SLC12A9: variants seen among roughly 807,000 people sequenced by gnomAD.
The protein encoded by SLC12A9 is solute carrier family 12 member 9, also known as CCC-interacting protein 1.
Under a neutral mutation model 66.0 loss-of-function variants are expected in SLC12A9, and 55 were observed. That is an observed-to-expected ratio of 0.83 (90% CI 0.67 to 1.04). SLC12A9 has a LOEUF of 1.04. SLC12A9 is among the 50% of genes least tolerant of loss of function. The pLI is 0.00. For synonymous variants in SLC12A9, 577 were observed against 569.0 expected, an observed-to-expected ratio of 1.01 and a Z score of -0.20; for missense variants, 1,061 against 1,241.9, an observed-to-expected ratio of 0.85 and a Z score of 2.19.
chr7:100,862,574 C>A, intron 12 of SLC12A9, 107 bp from the exon 13 acceptor site: 2 of 1,321,992 alleles, frequency 1.5e-6, no homozygotes, highest in Non-Finnish European at 2.1e-6. Context: ...TTCCCATGAC[C>A]CCTCCAAGTA....
At position 100,858,766 on chromosome 7, in the gene SLC12A9, G is replaced by T. The variant is rs56792920; in HGVS notation, c.758-69G>T. On this transcript the variant is annotated intron_variant, in intron 5 of 13. Coordinates refer to ENST00000354161, the MANE Select transcript of SLC12A9 (RefSeq NM_020246.4). Reference sequence around the variant, plus strand: ...GAGGACCGTGGGAATGTGTGGAGAGGGTGGCTAAGAGGCCTGGATCCCTGA... The same window carrying T: ...GAGGACCGTGGGAATGTGTGGAGAGTGTGGCTAAGAGGCCTGGATCCCTGA... 2.3e-3 allele frequency: 3,323 copies of T among 1,455,160 alleles called. 56 individuals carry two copies. The Admixed American group carries it at 0.036, about 16-fold the overall frequency. 90.1% of individuals were successfully genotyped at this position (1,455,160 alleles called of 1,614,324 possible).
rs1166358604 is a variant in SLC12A9 at position 100,866,878 on chromosome 7, GCCT to G, written c.*278_*280del. On this transcript the variant is annotated 3_prime_UTR_variant, in exon 14 of 14. Transcript: ENST00000354161. The surrounding 1 kb of genome is among the most constrained non-coding windows in gnomAD (Gnocchi z 7.3). The stretch of plus-strand genomic sequence containing the variant: ...CTGGTGCCTTGATGCTAGGGGCCAG[GCCT>G]CCTCTGTGACTCTGGGCTACCTCAG... 2.5e-6 allele frequency: 1 copy of G among 397,030 alleles called. No homozygotes were observed. Among genetic ancestry groups the G allele is most frequent in the Non-Finnish European group, 4.5e-6 (1 of 223,698 alleles). 24.6% of individuals were successfully genotyped at this position (397,030 alleles called of 1,614,324 possible).
At chr7:100,860,841 G>T in intron 9 of SLC12A9, 1 of 493,078 alleles carries the variant, frequency 2.0e-6, no homozygotes, top group Non-Finnish European at 3.8e-6. Context: ...ACACTTTGGG[G>T]GTACACTGGC....
chr7:100,852,512 A>T (rs1814126146), upstream of SLC12A9: 1 of 152,124 alleles, frequency 6.6e-6, no homozygotes, highest in African/African-American at 2.4e-5. Context: ...GATTGTTTGT[A>T]CCTAAGTGAA....
At chr7:100,864,172 G>A (rs1584710528) in intron 13 of SLC12A9, among the ~76,000 whole-genome samples, 1 of 149,620 alleles carries the variant, frequency 6.7e-6, no homozygotes, top group African/African-American at 2.5e-5. Flanking sequence ...TCTGCCTCCC[G>A]GGTTCAAGTA....
At chr7:100,832,867 C>T (rs966585182) in intron 1 of SLC12A9, among the ~76,000 whole-genome samples, 6 of 151,972 alleles carry the variant, frequency 3.9e-5, no homozygotes, top group Non-Finnish European at 8.8e-5. Context: ...CCTCGAACTC[C>T]CAGGCTCAAG....
chr7:100,828,567 A>T (rs2116481574), intron 1 of SLC12A9, among the ~76,000 whole-genome samples: 1 of 149,694 alleles, frequency 6.7e-6, no homozygotes, highest in African/African-American at 2.5e-5. Flanking sequence ...AAAAAAAAAA[A>T]AAAAAAAAGG....
chr7:100,853,752 G>A (rs1182085024), intron 1 of SLC12A9, among the ~76,000 whole-genome samples: 2 of 147,736 alleles, frequency 1.4e-5, no homozygotes, highest in Admixed American at 6.7e-5. Context: ...CTTGTGAGAC[G>A]GAGTCTCACT....
chr7:100,854,808 G>GGT lies in SLC12A9; in HGVS notation c.316+58_316+59dup. 3.8e-6 allele frequency: 6 copies of GGT among 1,599,314 alleles called. No individual in the cohort carries two copies. In the South Asian group the frequency reaches 6.6e-5, roughly 18 times the overall value. On this transcript the variant is annotated intron_variant, in intron 3 of 13. Coordinates refer to ENST00000354161, the MANE Select transcript of SLC12A9 (RefSeq NM_020246.4). ...CTGGCCTGTTCTGCCTGCTAGGGAG[G>GGT]GTGTGGAAGGGGCCATTACCTTTGT...
intron 1 of SLC12A9, among the ~76,000 whole-genome samples, chr7:100,831,633 G>T (rs966628953): frequency 2.0e-5 from 3 of 152,128 alleles, no homozygotes; most frequent in South Asian, 2.1e-4. Flanking sequence ...GACCATGCCC[G>T]GCTAATAAGT....
chr7:100,864,714 G>C (rs1015822634), intron 13 of SLC12A9, among the ~76,000 whole-genome samples: 1 of 152,178 alleles, frequency 6.6e-6, no homozygotes, highest in African/African-American at 2.4e-5. Flanking sequence ...CCAGATATGA[G>C]CCTATGGGCA....
chr7:100,865,434 T>A, intron 13 of SLC12A9: 1 of 1,536,090 alleles, frequency 6.5e-7, no homozygotes, highest in South Asian at 1.2e-5. Context: ...CTCCTCTCCA[T>A]AGAATTGGAG....
At chr7:100,828,159 G>C (rs1042189034) in intron 1 of SLC12A9, among the ~76,000 whole-genome samples, 1 of 152,192 alleles carries the variant, frequency 6.6e-6, no homozygotes, top group African/African-American at 2.4e-5. Context: ...TACTGTGCGC[G>C]CAACCAAGCC....
chr7:100,833,857 C>T (rs192494594), intron 1 of SLC12A9, among the ~76,000 whole-genome samples: 250 of 140,612 alleles, frequency 1.8e-3, no homozygotes, highest in African/African-American at 6.2e-3. Context: ...GGCGGGAACC[C>T]GGGAGGCGGA....
chr7:100,833,730 C>A (rs1263065031), intron 1 of SLC12A9, among the ~76,000 whole-genome samples: 2 of 151,624 alleles, frequency 1.3e-5, no homozygotes, highest in African/African-American at 4.8e-5. Context: ...GTCAGGAGAT[C>A]GAGACAATCC....
intron 5 of SLC12A9, 68 bp from the exon 6 acceptor site, chr7:100,858,767 G>C: frequency 1.4e-6 from 2 of 1,468,274 alleles, no homozygotes; most frequent in Non-Finnish European, 1.9e-6. Flanking sequence ...TGTGGAGAGG[G>C]TGGCTAAGAG....
chr7:100,845,348 A>AT (rs1311918584), intron 1 of SLC12A9, among the ~76,000 whole-genome samples: 4 of 149,486 alleles, frequency 2.7e-5, no homozygotes, highest in African/African-American at 9.9e-5. Flanking sequence ...ATTTTATTTT[A>AT]TTTATTTATT....
At chr7:100,826,889 CAG>C in exon 1 of SLC12A9, 1 of 1,456,556 alleles carries the variant, frequency 6.9e-7, no homozygotes, top group Non-Finnish European at 9.2e-7. Flanking sequence ...TAGGGGTAGT[CAG>C]AGGCCGGCCC....
At chr7:100,828,829 A>T (rs1813483898) in intron 1 of SLC12A9, among the ~76,000 whole-genome samples, 1 of 152,110 alleles carries the variant, frequency 6.6e-6, no homozygotes, top group Non-Finnish European at 1.5e-5. Context: ...GGGAGGGTCC[A>T]GCACAGCCGT....
Sources: gnomAD v4.1 joint callset for allele counts (sites outside exome capture counted in the v4.1 genomes callset) on GRCh38, gnomAD v4.1.1 for gene constraint, Gnocchi (gnomAD v3.1) non-coding constraint, MANE v1.5 for transcripts, NCBI Gene and HGNC (gene_info 2026-07-23, HGNC 2026-07-21) for gene names.